The following BRD10 variants were observed in gnomAD, a reference collection of about 807,000 sequenced individuals.
BRD10 encodes bromodomain containing 10.
chr9:5,895,284 G>C, the BRD10 span, among the ~76,000 whole-genome samples: 1 of 152,108 alleles, frequency 6.6e-6, no homozygotes, highest in Admixed American at 6.6e-5. Flanking sequence ...ACTGCACATG[G>C]CCACCAATGT....
At chr9:5,884,643 C>T in the BRD10 span, among the ~76,000 whole-genome samples, 5 of 152,214 alleles carry the variant, frequency 3.3e-5, no homozygotes, top group African/African-American at 1.2e-4. Flanking sequence ...CAAGCCTCTT[C>T]TGTACCAATA....
chr9:5,969,560 T>C, the BRD10 span: 1 of 707,234 alleles, frequency 1.4e-6, no homozygotes, highest in Non-Finnish European at 2.2e-6. Flanking sequence ...ATTTATTTAT[T>C]TGAGACAGAG....
At chr9:5,891,996 T>C in the BRD10 span, among the ~76,000 whole-genome samples, 3 of 152,194 alleles carry the variant, frequency 2.0e-5, no homozygotes, top group Middle Eastern at 3.2e-3. Context: ...TAGCCTCTGT[T>C]TGTCTGTGGG....
chr9:5,989,488 G>T, the BRD10 span, among the ~76,000 whole-genome samples: 1 of 149,050 alleles, frequency 6.7e-6, no homozygotes, highest in Non-Finnish European at 1.5e-5. Context: ...ATATTTCCCT[G>T]CTTTCCTACA....
chr9:5,919,625 T>A, the BRD10 span: 1 of 1,458,804 alleles, frequency 6.9e-7, no homozygotes, highest in Non-Finnish European at 9.1e-7. Flanking sequence ...ACATTGAAAA[T>A]TTTTATGGGA....
At chr9:5,902,015 G>T in the BRD10 span, among the ~76,000 whole-genome samples, 1 of 82,978 alleles carries the variant, frequency 1.2e-5, no homozygotes, top group Admixed American at 1.4e-4. Flanking sequence ...GGTAATGCTG[G>T]CCTCATAGCA....
chr9:5,939,559 G>C, the BRD10 span, among the ~76,000 whole-genome samples: 8 of 152,168 alleles, frequency 5.3e-5, no homozygotes, highest in Non-Finnish European at 1.2e-4. Context: ...TTAATTAGAA[G>C]TATATTATGT....
At chr9:5,902,779 T>G in the BRD10 span, among the ~76,000 whole-genome samples, 1 of 152,148 alleles carries the variant, frequency 6.6e-6, no homozygotes, top group African/African-American at 2.4e-5. Context: ...AGTACTGGCA[T>G]TATAGGCATG....
the BRD10 span, chr9:5,969,102 C>T: frequency 6.2e-7 from 1 of 1,613,662 alleles, no homozygotes; most frequent in South Asian, 1.1e-5. Flanking sequence ...CACTGTTGTA[C>T]TTTCTGCCTC....
the BRD10 span, chr9:6,007,162 C>T: frequency 1.3e-6 from 2 of 1,592,554 alleles, no homozygotes; most frequent in Non-Finnish European, 1.7e-6. Flanking sequence ...TTGTGTCAGT[C>T]TGTCAGTCCC....
chr9:5,934,586 G>A, the BRD10 span, among the ~76,000 whole-genome samples: 1 of 151,932 alleles, frequency 6.6e-6, no homozygotes. Flanking sequence ...GGCTGGTCTT[G>A]AACTTCTGAC....
chr9:5,933,412 C>A, the BRD10 span, among the ~76,000 whole-genome samples: 1 of 152,156 alleles, frequency 6.6e-6, no homozygotes, highest in Non-Finnish European at 1.5e-5. Flanking sequence ...GAACCAAAGA[C>A]ATACAATATA....
At chr9:5,885,998 C>T in the BRD10 span, among the ~76,000 whole-genome samples, 1 of 152,206 alleles carries the variant, frequency 6.6e-6, no homozygotes, top group African/African-American at 2.4e-5. Flanking sequence ...TCTTTTGAGC[C>T]AGGGGCTTGT....
the BRD10 span, among the ~76,000 whole-genome samples, chr9:5,961,162 C>T: frequency 1.3e-5 from 2 of 152,098 alleles, no homozygotes; most frequent in South Asian, 2.1e-4. Flanking sequence ...CCTTCTGTCC[C>T]TAAGAATGTT....
the BRD10 span, among the ~76,000 whole-genome samples, chr9:5,944,192 TA>T: frequency 6.6e-6 from 1 of 152,154 alleles, no homozygotes; most frequent in South Asian, 2.1e-4. Flanking sequence ...TAATTGTGTT[TA>T]AAATCTGTGC....
the BRD10 span, among the ~76,000 whole-genome samples, chr9:5,986,820 G>A: frequency 1.3e-5 from 2 of 152,100 alleles, no homozygotes; most frequent in African/African-American, 4.8e-5. Context: ...CATATTCATA[G>A]TTTCCTGCTA....
At chr9:5,985,852 C>G in the BRD10 span, among the ~76,000 whole-genome samples, 3 of 151,390 alleles carry the variant, frequency 2.0e-5, no homozygotes, top group African/African-American at 7.3e-5. Context: ...GAATGAGAAA[C>G]AAAAAAATTA....
the BRD10 span, among the ~76,000 whole-genome samples, chr9:5,966,002 T>C: frequency 0.02 from 3,015 of 152,300 alleles, 43 homozygotes; most frequent in Non-Finnish European, 0.03. Context: ...AATTGGCCAA[T>C]GTTTACCCAG....
the BRD10 span, chr9:6,007,675 G>C: frequency 6.2e-7 from 1 of 1,608,766 alleles, no homozygotes; most frequent in Non-Finnish European, 8.5e-7. Context: ...CGGCCCTGAG[G>C]TCTGGGCCGC....
Sources: gnomAD v4.1 joint callset for allele counts (sites outside exome capture counted in the v4.1 genomes callset) on GRCh38, gnomAD v4.1.1 for gene constraint, MANE v1.5 for transcripts, NCBI Gene and HGNC (gene_info 2026-07-23, HGNC 2026-07-21) for gene names.